Variants in GRID2 observed in about 807,000 individuals in gnomAD.
GRID2 encodes the protein glutamate ionotropic receptor delta type subunit 2.
GRID2 carries 33 observed loss-of-function variants against 114.8 expected under a neutral mutation model. The observed-to-expected ratio is 0.29, with a 90% CI of 0.22 to 0.38. GRID2 has a LOEUF of 0.38. Among genes scored for constraint, GRID2 ranks in the 10% least tolerant of loss-of-function variants. GRID2 has a pLI of 1.00. For missense variants in GRID2, 1,184 were observed against 1,257.7 expected (o/e 0.94, Z 0.89); for synonymous variants, 505 against 449.9 (o/e 1.12, Z -1.55).
At chr4:93,531,693 G>A (rs1731461060) in intron 13 of GRID2, among the ~76,000 whole-genome samples, 1 of 152,002 alleles carries the variant, frequency 6.6e-6, no homozygotes, top group Non-Finnish European at 1.5e-5. Context: ...TGTAAGCAAT[G>A]TTGTTTATTT....
At chr4:92,673,816 C>T (rs976481767) in intron 2 of GRID2, among the ~76,000 whole-genome samples, 1 of 151,866 alleles carries the variant, frequency 6.6e-6, no homozygotes, top group African/African-American at 2.4e-5. Context: ...CACACCAGGG[C>T]CTGTCATGGG....
At chr4:92,926,678 G>C (rs1052533509) in intron 2 of GRID2, among the ~76,000 whole-genome samples, 2 of 151,830 alleles carry the variant, frequency 1.3e-5, no homozygotes, top group South Asian at 4.1e-4. Context: ...TTGTAACTGT[G>C]TCTTATTCTG....
intron 2 of GRID2, among the ~76,000 whole-genome samples, chr4:92,599,981 C>A (rs1317649684): frequency 6.9e-6 from 1 of 144,668 alleles, no homozygotes; most frequent in Non-Finnish European, 1.5e-5. Context: ...GGCGAGATTG[C>A]GCCACTGCAC....
intron 4 of GRID2, among the ~76,000 whole-genome samples, chr4:93,187,899 T>C (rs932641974): frequency 6.6e-6 from 1 of 152,250 alleles, no homozygotes; most frequent in African/African-American, 2.4e-5. Context: ...GTAGATATCC[T>C]GCCTTTCAGG....
intron 8 of GRID2, among the ~76,000 whole-genome samples, chr4:93,378,601 C>G (rs1319202201): frequency 6.6e-6 from 1 of 152,004 alleles, no homozygotes; most frequent in Non-Finnish European, 1.5e-5. Flanking sequence ...TGATGGGATT[C>G]TGCTATTGAT....
intron 7 of GRID2, among the ~76,000 whole-genome samples, chr4:93,232,352 A>AT (rs1168689918): frequency 6.6e-6 from 1 of 152,014 alleles, no homozygotes; most frequent in Non-Finnish European, 1.5e-5. Context: ...ATTCTTTTGC[A>AT]TTGTCTTAAT....
intron 4 of GRID2, among the ~76,000 whole-genome samples, chr4:93,147,409 C>T (rs1172303880): frequency 6.6e-6 from 1 of 152,146 alleles, no homozygotes; most frequent in African/African-American, 2.4e-5. Context: ...AATGTGTACT[C>T]AGATTAAATA....
At chr4:93,619,051 A>T (rs1741973146) in intron 13 of GRID2, among the ~76,000 whole-genome samples, 1 of 152,216 alleles carries the variant, frequency 6.6e-6, no homozygotes, top group African/African-American at 2.4e-5. Flanking sequence ...GATTTTTTTA[A>T]AAAAGTTGAT....
chr4:93,806,083 C>G (rs1410865332), intron 1 of GRID2, among the ~76,000 whole-genome samples: 3 of 151,316 alleles, frequency 2.0e-5, no homozygotes, highest in Non-Finnish European at 4.4e-5. Flanking sequence ...GGCAAGAAAG[C>G]AAGACTCCAG....
chr4:92,315,385 A>C (rs923979899), intron 1 of GRID2, among the ~76,000 whole-genome samples: 5 of 152,124 alleles, frequency 3.3e-5, no homozygotes, highest in African/African-American at 1.2e-4. Context: ...AATGACTCAC[A>C]AAAAAAGCAA....
At chr4:93,692,829 T>C (rs182812727) in intron 14 of GRID2, among the ~76,000 whole-genome samples, 1 of 152,226 alleles carries the variant, frequency 6.6e-6, no homozygotes, top group East Asian at 1.9e-4. Flanking sequence ...CTACTTACAG[T>C]TTTTGCAGAT....
chr4:92,883,473 C>T (rs1375906360), intron 2 of GRID2, among the ~76,000 whole-genome samples: 2 of 152,148 alleles, frequency 1.3e-5, no homozygotes, highest in African/African-American at 2.4e-5. Flanking sequence ...TGAGTGTCAT[C>T]TAGAATGGTG....
chr4:92,751,199 A>G (rs1214673649), intron 2 of GRID2, among the ~76,000 whole-genome samples: 1 of 152,180 alleles, frequency 6.6e-6, no homozygotes, highest in Non-Finnish European at 1.5e-5. Context: ...AGGTTTTAAA[A>G]TAAGTTAGGT....
At chr4:92,379,781 T>C (rs142671166) in intron 1 of GRID2, among the ~76,000 whole-genome samples, 73 of 152,108 alleles carry the variant, frequency 4.8e-4, no homozygotes, top group African/African-American at 1.6e-3. Context: ...TCATTGCTTC[T>C]GGAGAAGGTT....
chr4:93,210,414 T>C (rs566619935), intron 5 of GRID2, among the ~76,000 whole-genome samples: 1 of 152,284 alleles, frequency 6.6e-6, no homozygotes, highest in Non-Finnish European at 1.5e-5. Context: ...TGCAGCCTTA[T>C]ATCTGGGCAA....
intron 14 of GRID2, among the ~76,000 whole-genome samples, chr4:93,687,069 T>A (rs1726140384): frequency 6.6e-6 from 1 of 151,908 alleles, no homozygotes; most frequent in African/African-American, 2.4e-5. Context: ...TGGACATGAG[T>A]GTTACCAGTG....
chr4:93,117,824 C>T (rs1407189168), intron 4 of GRID2, among the ~76,000 whole-genome samples: 4 of 151,998 alleles, frequency 2.6e-5, no homozygotes, highest in Non-Finnish European at 4.4e-5. Flanking sequence ...CTGTTGGCCA[C>T]GAGTTCAATG....
At chr4:93,455,612 A>C (rs1723109728) in intron 10 of GRID2, 50 bp from the exon 11 acceptor site, 2 of 1,275,812 alleles carry the variant, frequency 1.6e-6, no homozygotes, top group Non-Finnish European at 2.3e-6. Flanking sequence ...GGCACAAATG[A>C]AATTGTTTTT....
rs904412047 is a variant in GRID2 at position 93,679,641 on chromosome 4, A to G, written c.2360+53206A>G. ...TAAGAAACTCACTCAAAACCGCTCAACTACATGGAAACTGACAGCCTGCTC... is the reference window on the plus strand; with the variant it reads ...TAAGAAACTCACTCAAAACCGCTCAGCTACATGGAAACTGACAGCCTGCTC... On this transcript the variant is annotated intron_variant, in intron 14 of 15. Coordinates refer to ENST00000282020, the MANE Select transcript of GRID2 (RefSeq NM_001510.4). Among the ~76,000 whole-genome samples the G allele has an allele frequency of 7.9e-5, 12 of 151,092 alleles. 1 individual carries two copies. Among genetic ancestry groups the G allele is most frequent in the Non-Finnish European group, 1.5e-4 (10 of 67,822 alleles).
Sources: allele counts gnomAD v4.1 joint callset (sites outside exome capture counted in the v4.1 genomes callset), GRCh38; gene constraint gnomAD v4.1.1; transcripts MANE v1.5; gene names NCBI Gene and HGNC (gene_info 2026-07-23, HGNC 2026-07-21).